Variants in HIBADH observed in about 807,000 individuals in gnomAD.
HIBADH encodes the protein 3-hydroxyisobutyrate dehydrogenase, mitochondrial.
Under a neutral mutation model 36.1 loss-of-function variants are expected in HIBADH, and 25 were observed. The ratio of observed to expected loss-of-function variants is 0.69; its 90% CI spans 0.50 to 0.97. The LOEUF (loss-of-function observed/expected upper bound fraction) is 0.97, where lower values mean the gene tolerates loss of function less well. Ranked by LOEUF, HIBADH falls within the 50% of genes least tolerant of loss-of-function variation. The pLI, the probability that HIBADH is intolerant of heterozygous loss-of-function variation, is 0.00. For synonymous variants in HIBADH, 160 were observed against 149.5 expected (o/e 1.07, Z -0.51); for missense variants, 421 against 418.0 (o/e 1.01, Z -0.06).
intron 4 of HIBADH, among the ~76,000 whole-genome samples, chr7:27,589,895 C>T (rs1380376441): frequency 1.3e-5 from 2 of 152,152 alleles, no homozygotes; most frequent in East Asian, 3.9e-4. Flanking sequence ...CGTCCCATCA[C>T]ACCAAACTGC....
chr7:27,629,451 AT>A lies in HIBADH; in HGVS notation c.403del (p.Ile135LeufsTer29). The A allele has an allele frequency of 2.5e-6, 4 of 1,608,526 alleles. No individual in the cohort carries two copies. Among genetic ancestry groups the A allele is most frequent in the Non-Finnish European group, 3.4e-6 (4 of 1,176,070 alleles). On this transcript the variant is annotated frameshift_variant, in exon 4 of 8. Transcript: ENST00000265395. LOFTEE classifies it high-confidence loss of function. The stretch of plus-strand genomic sequence containing the variant: ...CAATTCTTTTGAAACTGCAGGATCA[AT>A]AGTGCTGGAATCTATTAATAATGAG... Reference protein sequence around the residue: ...KGSLLIDSSTIDPAVSKELAK... With the variant: ...KGSLLIDSSTXDPAVSKELAK...
intron 4 of HIBADH, among the ~76,000 whole-genome samples, chr7:27,602,617 T>C (rs1785149601): frequency 6.6e-6 from 1 of 152,178 alleles, no homozygotes; most frequent in South Asian, 2.1e-4. Flanking sequence ...TAAGCTGATA[T>C]ACTATGCCAA....
intron 5 of HIBADH, among the ~76,000 whole-genome samples, chr7:27,541,525 A>T (rs1287316245): frequency 6.6e-6 from 1 of 152,190 alleles, no homozygotes. Context: ...AGCTGCAGTG[A>T]TGGGTTCATG....
chr7:27,532,232 G>C (rs1426539875), intron 6 of HIBADH, among the ~76,000 whole-genome samples: 1 of 152,200 alleles, frequency 6.6e-6, no homozygotes, highest in Non-Finnish European at 1.5e-5. Context: ...AGGTATCACT[G>C]AATCAAGTTT....
intron 3 of HIBADH, among the ~76,000 whole-genome samples, chr7:27,630,733 T>G (rs1785733033): frequency 6.6e-6 from 1 of 152,018 alleles, no homozygotes; most frequent in Non-Finnish European, 1.5e-5. Flanking sequence ...AGACCTCGTC[T>G]AAAATAAAAA....
At chr7:27,542,083 T>C (rs766841181) in intron 5 of HIBADH, among the ~76,000 whole-genome samples, 4 of 152,202 alleles carry the variant, frequency 2.6e-5, no homozygotes, top group Non-Finnish European at 4.4e-5. Context: ...TTATAACAGA[T>C]TTGTGCATAT....
chr7:27,654,985 C>T (rs907237205), intron 1 of HIBADH, among the ~76,000 whole-genome samples: 1 of 152,148 alleles, frequency 6.6e-6, no homozygotes, highest in Non-Finnish European at 1.5e-5. Context: ...CCGCACCCAG[C>T]CACACTCTCT....
At chr7:27,578,741 C>T (rs951247997) in intron 4 of HIBADH, among the ~76,000 whole-genome samples, 32 of 152,126 alleles carry the variant, frequency 2.1e-4, no homozygotes, top group African/African-American at 7.7e-4. Flanking sequence ...GCTAGGTCTT[C>T]AGTACCCACA....
At chr7:27,611,052 A>G (rs762421328) in intron 4 of HIBADH, among the ~76,000 whole-genome samples, 4 of 152,242 alleles carry the variant, frequency 2.6e-5, no homozygotes, top group Non-Finnish European at 5.9e-5. Flanking sequence ...GAATGCCTCA[A>G]ACAAATTACT....
chr7:27,577,269 T>C (rs79299443), intron 4 of HIBADH, among the ~76,000 whole-genome samples: 4,639 of 150,900 alleles, frequency 0.031, 294 homozygotes, highest in East Asian at 0.26. Context: ...GTTCAAGCAA[T>C]TCTCCTACCT....
chr7:27,597,419 G>A (rs1785048840), intron 4 of HIBADH, among the ~76,000 whole-genome samples: 1 of 148,766 alleles, frequency 6.7e-6, no homozygotes, highest in East Asian at 2.0e-4. Flanking sequence ...GTACCAAAGT[G>A]TAGCTCCGAG....
At chr7:27,563,243 C>A (rs1330460195) in intron 4 of HIBADH, among the ~76,000 whole-genome samples, 1 of 152,148 alleles carries the variant, frequency 6.6e-6, no homozygotes, top group Non-Finnish European at 1.5e-5. Context: ...GCAGCATATC[C>A]CTTTATATTG....
intron 6 of HIBADH, among the ~76,000 whole-genome samples, chr7:27,536,152 G>C (rs1007527194): frequency 6.6e-6 from 1 of 152,012 alleles, no homozygotes; most frequent in Non-Finnish European, 1.5e-5. Context: ...CTCTATTAGA[G>C]AACAATCCTG....
rs36140938 is a variant in HIBADH at position 27,548,196 on chromosome 7, TAA to T, written c.485-5098_485-5097del. Among the ~76,000 whole-genome samples, 7 of 144,234 alleles carry T rather than the reference TAA, an allele frequency of 4.9e-5. No individual in the cohort carries two copies. The South Asian group carries it at 6.7e-4, about 14-fold the overall frequency. 94.6% of individuals were successfully genotyped at this position (144,234 alleles called of 152,430 possible). On this transcript the variant is annotated intron_variant, in intron 4 of 7. Transcript: ENST00000265395. ...CCTCTAAGTCAGCCTCTCTCTCTCT[TAA>T]AAAAAAAAAAAAGTATCATAGAGGA...
chr7:27,591,176 CG>C (rs1784933714), intron 4 of HIBADH, among the ~76,000 whole-genome samples: 1 of 152,146 alleles, frequency 6.6e-6, no homozygotes, highest in African/African-American at 2.4e-5. Flanking sequence ...AAATACTCTA[CG>C]AATCTCAGAG....
At chr7:27,566,189 C>G (rs1001153404) in intron 4 of HIBADH, among the ~76,000 whole-genome samples, 6 of 152,222 alleles carry the variant, frequency 3.9e-5, no homozygotes, top group Non-Finnish European at 5.9e-5. Context: ...TTGGGAAATA[C>G]TGCATACTCT....
At chr7:27,603,415 C>T (rs1205138727) in intron 4 of HIBADH, among the ~76,000 whole-genome samples, 1 of 151,968 alleles carries the variant, frequency 6.6e-6, no homozygotes, top group Non-Finnish European at 1.5e-5. Flanking sequence ...TTTATGTGCT[C>T]CTAAGGGATA....
chr7:27,639,580 C>T (rs940724174), intron 2 of HIBADH, among the ~76,000 whole-genome samples: 10 of 152,194 alleles, frequency 6.6e-5, no homozygotes, highest in South Asian at 2.1e-4. Context: ...CAATTACCTC[C>T]GAACCTAAAA....
At chr7:27,581,224 A>G (rs1191191005) in intron 4 of HIBADH, among the ~76,000 whole-genome samples, 1 of 152,162 alleles carries the variant, frequency 6.6e-6, no homozygotes, top group Non-Finnish European at 1.5e-5. Context: ...ATTTACTCCA[A>G]CCATGTTCAG....
Sources: allele counts gnomAD v4.1 joint callset (sites outside exome capture counted in the v4.1 genomes callset), GRCh38; gene constraint gnomAD v4.1.1; transcripts MANE v1.5; gene names NCBI Gene and HGNC (gene_info 2026-07-23, HGNC 2026-07-21).